Variants in NSUN2 observed in about 807,000 individuals in gnomAD.
The protein encoded by NSUN2 is RNA cytosine C(5)-methyltransferase NSUN2.
In NSUN2, 63 loss-of-function variants were observed where a neutral mutation model predicts 92.7. The observed-to-expected ratio is 0.68, with a 90% CI of 0.56 to 0.84. The LOEUF (loss-of-function observed/expected upper bound fraction) is 0.84. NSUN2 is among the 40% of genes least tolerant of loss of function. The pLI is 0.00. For synonymous variants in NSUN2, 356 were observed against 348.3 expected, an observed-to-expected ratio of 1.02 and a Z score of -0.25; for missense variants, 989 against 964.9, an observed-to-expected ratio of 1.02 and a Z score of -0.33.
At chr5:6,625,789 T>G (rs1737631695) in intron 3 of NSUN2, 120 bp from the exon 4 acceptor site, 1 of 697,598 alleles carries the variant, frequency 1.4e-6, no homozygotes, top group Non-Finnish European at 2.6e-6. Flanking sequence ...TCCCTGCTCC[T>G]ATTCACAATC....
At chr5:6,601,422 C>T (rs1047464571) in intron 18 of NSUN2, among the ~76,000 whole-genome samples, 1 of 152,142 alleles carries the variant, frequency 6.6e-6, no homozygotes, top group African/African-American at 2.4e-5. Flanking sequence ...CCAGCAGGTC[C>T]CCAGGGTGCT....
chr5:6,605,794 T>C (rs1560972567), intron 14 of NSUN2, among the ~76,000 whole-genome samples: 1 of 151,758 alleles, frequency 6.6e-6, no homozygotes, highest in Non-Finnish European at 1.5e-5. Flanking sequence ...GCCTCCCGGG[T>C]TGAAGCGGTT....
chr5:6,616,727 CT>C lies in NSUN2; in HGVS notation c.1020del (p.Gly341ValfsTer15), dbSNP rs1579368865. 1.4e-6 allele frequency: 2 copies of C among 1,403,572 alleles called. No homozygotes were observed. The highest frequency in any genetic ancestry group is 1.9e-4 in the Middle Eastern group (1 of 5,360). The allele number at this position is 1,403,572 out of a possible 1,614,324, so 86.9% of individuals were successfully genotyped here. A position where few individuals can be genotyped will look rare whatever the true frequency, so the allele number is the denominator to read the frequency against. On this transcript the variant is annotated frameshift_variant and splice_region_variant, in exon 9 of 19. Transcript: ENST00000264670. LOFTEE classifies it high-confidence loss of function. ...AVIASLLEKS[E>X]GALELADVSN... Reference sequence around the variant, plus strand: ...TAAAAGATCCATCAAGCGTGCTTACCTTCACTTTTTTCCAGTAAAGATGCTA... The same window carrying C: ...TAAAAGATCCATCAAGCGTGCTTACCTCACTTTTTTCCAGTAAAGATGCTA...
At chr5:6,625,420 A>G in intron 4 of NSUN2, 144 bp downstream of exon 4, 1 of 603,600 alleles carries the variant, frequency 1.7e-6, no homozygotes, top group Non-Finnish European at 2.9e-6. Flanking sequence ...CAGAAATCAC[A>G]GGTGGTGCAC....
At chr5:6,610,255 T>C (rs1347608446) in intron 11 of NSUN2, among the ~76,000 whole-genome samples, 1 of 151,948 alleles carries the variant, frequency 6.6e-6, no homozygotes, top group African/African-American at 2.4e-5. Context: ...TTTTTTTTTT[T>C]CTGTAGAGAT....
intron 9 of NSUN2, among the ~76,000 whole-genome samples, chr5:6,616,251 C>G (rs1433213114): frequency 6.6e-6 from 1 of 152,162 alleles, no homozygotes; most frequent in Non-Finnish European, 1.5e-5. Flanking sequence ...GGAAGAAACC[C>G]AGATGTCCAT....
chr5:6,606,712 A>T, intron 14 of NSUN2, 108 bp downstream of exon 14: 3 of 522,786 alleles, frequency 5.7e-6, no homozygotes, highest in South Asian at 3.5e-5. Context: ...AAAAAAAAAA[A>T]GCTAGACAGA....
intron 1 of NSUN2, 52 bp from the exon 2 acceptor site, chr5:6,632,808 C>A: frequency 6.3e-7 from 1 of 1,581,418 alleles, no homozygotes; most frequent in Non-Finnish European, 8.6e-7. Flanking sequence ...CGCCCCCTCG[C>A]CGCCGCCTCG....
At chr5:6,607,912 C>G (rs1736844050) in intron 12 of NSUN2, among the ~76,000 whole-genome samples, 1 of 152,170 alleles carries the variant, frequency 6.6e-6, no homozygotes, top group Non-Finnish European at 1.5e-5. Context: ...GAATTAGGGC[C>G]ATGGTATAAT....
At chr5:6,628,897 T>G (rs1233419183) in intron 3 of NSUN2, among the ~76,000 whole-genome samples, 2 of 152,016 alleles carry the variant, frequency 1.3e-5, no homozygotes, top group African/African-American at 4.8e-5. Context: ...TAAAAAAAAT[T>G]AGCCAGGCGT....
Position 6,606,844 on chromosome 5 carries a change from T to A in NSUN2, c.1577A>T (p.Asp526Val). 4 of 1,585,638 alleles carry A rather than the reference T, an allele frequency of 2.5e-6. No individual in the cohort carries two copies. Among genetic ancestry groups the A allele is most frequent in the Non-Finnish European group, 3.5e-6 (4 of 1,155,032 alleles). ...KEDPFVFIPEDDPLFPPIEKF... is the reference protein window; with the variant it reads ...KEDPFVFIPEVDPLFPPIEKF... Reference sequence around the variant, plus strand: ...CTCAATAGGTGGAAATAATGGGTCATCTTCAGGAATAAATACAAATGGATC... The same window carrying A: ...CTCAATAGGTGGAAATAATGGGTCAACTTCAGGAATAAATACAAATGGATC... The change falls in exon 14 of 19, where the codon GAT becomes GTT. Residue 526 changes from aspartate to valine, a missense_variant. Asp to Val is a radical substitution (Grantham distance 152). Around this residue, in one of 3 missense-constraint regions of NSUN2, gnomAD observed 626 missense variants for 602.3 expected, o/e 1.04. Transcript: ENST00000264670.
chr5:6,599,902 G>A lies in NSUN2; in HGVS notation c.*24C>T, dbSNP rs1048697558. 6 of 1,603,100 alleles carry A rather than the reference G, an allele frequency of 3.7e-6. No individual in the cohort carries two copies. The highest frequency in any genetic ancestry group is 2.7e-5 in the African/African-American group (2 of 74,742). Reference sequence around the variant, plus strand: ...AGCCAGTTTTGCGTGTGAGGGGTGTGGGCCCCCGCTGCCTTGGGCCTGCTC... The same window carrying A: ...AGCCAGTTTTGCGTGTGAGGGGTGTAGGCCCCCGCTGCCTTGGGCCTGCTC... On this transcript the variant is annotated 3_prime_UTR_variant, in exon 19 of 19. Coordinates refer to ENST00000264670, the MANE Select transcript of NSUN2 (RefSeq NM_017755.6).
In NSUN2 at chr5:6,599,897, G is replaced by C; in HGVS notation, c.*29C>G. ...GAAGAAGCCAGTTTTGCGTGTGAGG[G>C]GTGTGGGCCCCCGCTGCCTTGGGCC... is the stretch of plus-strand genomic sequence containing the variant. On this transcript the variant is annotated 3_prime_UTR_variant, in exon 19 of 19. Transcript: ENST00000264670. 10 of 1,599,308 alleles carry C rather than the reference G, an allele frequency of 6.3e-6. No homozygotes were observed. The highest frequency in any genetic ancestry group is 8.5e-6 in the Non-Finnish European group (10 of 1,172,346).
At chr5:6,601,781 A>G (rs1050722850) in intron 18 of NSUN2, among the ~76,000 whole-genome samples, 10 of 151,950 alleles carry the variant, frequency 6.6e-5, no homozygotes, top group Admixed American at 5.9e-4. Flanking sequence ...TCAGCCGTGG[A>G]CCCCATTCTG....
chr5:6,599,951 G>T lies in NSUN2; in HGVS notation c.2279C>A (p.Pro760Gln), dbSNP rs61744358. 111,135 of 1,613,656 alleles carry T rather than the reference G, an allele frequency of 0.069. 4,124 individuals carry two copies. Among genetic ancestry groups the T allele is most frequent in the Middle Eastern group, 0.13 (757 of 5,794 alleles). The change falls in exon 19 of 19, where the codon CCG (proline) becomes CAG (glutamine). Residue 760 changes from proline (P) to glutamine (Q), a missense_variant. Coordinates refer to ENST00000264670, the MANE Select transcript of NSUN2 (RefSeq NM_017755.6). ...NSPDVTAGCDPAGVHPPR is the reference protein window; with the variant it reads ...NSPDVTAGCDQAGVHPPR Reference sequence around the variant, plus strand: ...TCACCGGGGTGGATGGACCCCCGCCGGGTCACAGCCTGCTGTCACGTCTGG... The same window carrying T: ...TCACCGGGGTGGATGGACCCCCGCCTGGTCACAGCCTGCTGTCACGTCTGG...
intron 18 of NSUN2, among the ~76,000 whole-genome samples, chr5:6,600,460 C>CT (rs952149002): frequency 2.6e-5 from 4 of 152,320 alleles, no homozygotes; most frequent in Middle Eastern, 3.4e-3. Flanking sequence ...CGCCCTGCCT[C>CT]TTTAAGTTCA....
At position 6,632,964 on chromosome 5, in the gene NSUN2, G is replaced by A; in HGVS notation, c.16C>T (p.Arg6Trp). The change falls in exon 1 of 19, where the codon CGG (arginine) becomes TGG (tryptophan). Residue 6 changes from arginine (R) to tryptophan (W), a missense_variant. By Grantham distance (101) the Arg-to-Trp change is moderately radical. Around this residue, in one of 3 missense-constraint regions of NSUN2, gnomAD observed 356 missense variants for 338.6 expected, o/e 1.05. Transcript: ENST00000264670. MGRRS[R>W]GRRLQQQQRP... ...TGCTGTTGCTGGAGCCGCCGACCCC[G>A]CGACCGCCGCCCCATAGCCCACGCG... 2.7e-6 allele frequency: 4 copies of A among 1,488,760 alleles called. No individual in the cohort carries two copies. The highest frequency in any genetic ancestry group is 2.8e-5 in the East Asian group (1 of 36,046). 92.2% of individuals were successfully genotyped at this position (1,488,760 alleles called of 1,614,324 possible).
intron 4 of NSUN2, 96 bp downstream of exon 4, chr5:6,625,468 A>G: frequency 1.2e-6 from 1 of 824,474 alleles, no homozygotes; most frequent in Non-Finnish European, 2.0e-6. Flanking sequence ...ATGTCCACCT[A>G]CTGCTTCTAG....
chr5:6,604,194 T>A lies in NSUN2; in HGVS notation c.1901A>T (p.Glu634Val), dbSNP rs1436970777. Residue 634 changes from glutamate (E) to valine (V), a missense_variant, in exon 17 of 19, where the codon GAA (glutamate) becomes GTA (valine). By Grantham distance (121) the Glu-to-Val change is moderately radical. Coordinates refer to ENST00000264670, the MANE Select transcript of NSUN2 (RefSeq NM_017755.6). ...MEDVKILLTQ[E>V]NPFFRKLSSE... ...GCTGAGTTTTCTAAAAAAGGGATTTTCCTGGGTCAACAGTATCTTAACATC... is the reference window on the plus strand; with the variant it reads ...GCTGAGTTTTCTAAAAAAGGGATTTACCTGGGTCAACAGTATCTTAACATC... 1 of 1,613,938 alleles carries A rather than the reference T, an allele frequency of 6.2e-7. No homozygotes were observed. Among genetic ancestry groups the A allele is most frequent in the South Asian group, 1.1e-5 (1 of 91,062 alleles).
Sources: gnomAD v4.1 joint callset for allele counts (sites outside exome capture counted in the v4.1 genomes callset) on GRCh38, gnomAD v4.1.1 for gene constraint, gnomAD v4.1.1 regional missense constraint, MANE v1.5 for transcripts, NCBI Gene and HGNC (gene_info 2026-07-23, HGNC 2026-07-21) for gene names.